Variants in KNTC1 observed in about 807,000 individuals in gnomAD.
KNTC1 encodes the protein kinetochore associated 1.
In KNTC1, 253 loss-of-function variants were observed where a neutral mutation model predicts 314.4. The ratio of observed to expected loss-of-function variants is 0.80; its 90% CI spans 0.73 to 0.89. The LOEUF (loss-of-function observed/expected upper bound fraction) is 0.89, where lower values mean the gene tolerates loss of function less well. Ranked by LOEUF, KNTC1 falls within the 40% of genes least tolerant of loss-of-function variation. KNTC1 has a pLI of 0.00. For synonymous variants in KNTC1, 901 were observed against 901.4 expected, an observed-to-expected ratio of 1.00 and a Z score of 0.01; for missense variants, 2,475 against 2,572.9, an observed-to-expected ratio of 0.96 and a Z score of 0.82.
chr12:122,546,102 C>T (rs1038833333), intron 8 of KNTC1, 74 bp from the exon 9 acceptor site: 7 of 836,026 alleles, frequency 8.4e-6, no homozygotes, highest in East Asian at 2.5e-5. Context: ...ATAAAACTTA[C>T]ATGTTTCTAC....
chr12:122,577,975 C>T (rs1017343503), intron 31 of KNTC1, among the ~76,000 whole-genome samples, 184 bp downstream of exon 31: 4 of 152,186 alleles, frequency 2.6e-5, no homozygotes, highest in African/African-American at 7.2e-5. Context: ...TGCCTTGGAG[C>T]GGCTGCTTGA....
At chr12:122,535,281 T>C (rs1961699995) in intron 3 of KNTC1, among the ~76,000 whole-genome samples, 2 of 151,878 alleles carry the variant, frequency 1.3e-5, no homozygotes, top group Non-Finnish European at 2.9e-5. Context: ...CCCAGCACTT[T>C]GGGAGGCTGA....
rs539249207 is a variant in KNTC1 at position 122,601,307 on chromosome 12, G to A, written c.4564-229G>A. Among the ~76,000 whole-genome samples, 14 of 150,950 alleles carry A rather than the reference G, an allele frequency of 9.3e-5. No individual in the cohort carries two copies. The South Asian group carries it at 2.7e-3, about 30-fold the overall frequency. On this transcript the variant is annotated intron_variant, in intron 44 of 63. Transcript: ENST00000333479. The stretch of plus-strand genomic sequence containing the variant: ...TCACCGTGTTTGCCAGGATGGTCTC[G>A]ATCTCCTGACCTCGTGATCCACCCG...
chr12:122,536,322 GGTCCAAGCAA>G (rs1961826352), intron 3 of KNTC1, among the ~76,000 whole-genome samples: 1 of 151,310 alleles, frequency 6.6e-6, no homozygotes, highest in African/African-American at 2.4e-5. Flanking sequence ...CCGCCTCCAG[GGTCCAAGCAA>G]TTCTCCTGCC....
chr12:122,623,416 T>C (rs919898359), intron 62 of KNTC1, among the ~76,000 whole-genome samples: 4 of 152,228 alleles, frequency 2.6e-5, no homozygotes, highest in African/African-American at 9.6e-5. Flanking sequence ...TCTAGCCATG[T>C]TGGCGCTTGA....
intron 3 of KNTC1, among the ~76,000 whole-genome samples, chr12:122,535,011 T>C (rs1159895710): frequency 6.6e-6 from 1 of 152,210 alleles, no homozygotes; most frequent in African/African-American, 2.4e-5. Context: ...GAAATACACA[T>C]GTAAAGCAAC....
At chr12:122,612,552 G>A (rs937589718) in intron 53 of KNTC1, among the ~76,000 whole-genome samples, 5 of 151,704 alleles carry the variant, frequency 3.3e-5, no homozygotes, top group Admixed American at 2.0e-4. Flanking sequence ...CTGAGTAGCT[G>A]GGATTACAGG....
chr12:122,531,619 T>C (rs373856303), intron 2 of KNTC1, among the ~76,000 whole-genome samples: 7 of 152,024 alleles, frequency 4.6e-5, no homozygotes, highest in East Asian at 1.9e-4. Context: ...TTTGTCATTA[T>C]TTATTAGAGG....
At chr12:122,603,375 G>A (rs1211768902) in intron 48 of KNTC1, 132 bp downstream of exon 48, 14 of 719,394 alleles carry the variant, frequency 1.9e-5, no homozygotes, top group East Asian at 1.6e-4. Flanking sequence ...ATGCTGAAAC[G>A]CTCAAGGGCA....
intron 6 of KNTC1, 49 bp downstream of exon 6, chr12:122,542,176 A>G: frequency 8.1e-7 from 1 of 1,237,768 alleles, no homozygotes; most frequent in Non-Finnish European, 1.1e-6. Context: ...AATATTTACT[A>G]GTTTTATTAA....
At chr12:122,540,314 A>C (rs1026503887) in intron 5 of KNTC1, among the ~76,000 whole-genome samples, 1 of 151,524 alleles carries the variant, frequency 6.6e-6, no homozygotes, top group East Asian at 1.9e-4. Flanking sequence ...CTGGGATTAC[A>C]GGCACCTGCC....
At chr12:122,615,449 T>C in intron 56 of KNTC1, 21 bp from the exon 57 acceptor site, 1 of 1,497,490 alleles carries the variant, frequency 6.7e-7, no homozygotes, top group Non-Finnish European at 8.9e-7. Context: ...TTAGAACTTT[T>C]TTATTTTTAA....
intron 40 of KNTC1, 139 bp from the exon 41 acceptor site, chr12:122,590,468 G>GTT: frequency 1.3e-5 from 10 of 741,420 alleles, no homozygotes; most frequent in South Asian, 6.9e-5. Flanking sequence ...ACTGAATTCT[G>GTT]TTTTTTTTTC....
chr12:122,535,484 T>C (rs1479483809), intron 3 of KNTC1, among the ~76,000 whole-genome samples: 2 of 152,014 alleles, frequency 1.3e-5, no homozygotes, highest in Admixed American at 6.6e-5. Flanking sequence ...TCTCTACTAA[T>C]ATACAAAAAT....
rs1208701388 is a variant in KNTC1, at chr12:122,609,379, C to G, written c.5497-5C>G. On this transcript the variant is annotated splice_region_variant and splice_polypyrimidine_tract_variant and intron_variant, in intron 51 of 63. Transcript: ENST00000333479. ...TTTTGACCTTTTTTTCCTACCTTTTCAAAGAAACCATCAGAATTATTTGAA... is the reference window on the plus strand; with the variant it reads ...TTTTGACCTTTTTTTCCTACCTTTTGAAAGAAACCATCAGAATTATTTGAA... 1.3e-6 allele frequency: 2 copies of G among 1,568,562 alleles called. No individual in the cohort carries two copies. The highest frequency in any genetic ancestry group is 1.4e-5 in the African/African-American group (1 of 73,982).
intron 40 of KNTC1, among the ~76,000 whole-genome samples, chr12:122,589,471 G>GTT (rs11352437): frequency 5.8e-4 from 74 of 126,802 alleles, no homozygotes; most frequent in Admixed American, 9.5e-4. Context: ...AAAAAATTGT[G>GTT]TTTTTTTTTT....
Position 122,569,728 on chromosome 12 carries a change from C to T in KNTC1, c.1764C>T (p.Leu588=). Residue 588 remains leucine (L), a synonymous_variant, in exon 22 of 64, where the codon CTC becomes CTT. Transcript: ENST00000333479. ...ATGTGAAAATGCTGGAGAGCTTGCT[C>T]AACTCAATGTCTGCATCAGTCTCTT... is the stretch of plus-strand genomic sequence containing the variant. ...RFDVKMLESL[L]NSMSASVSLQ... 1 of 1,613,550 alleles carries T rather than the reference C, an allele frequency of 6.2e-7. No homozygotes were observed. The highest frequency in any genetic ancestry group is 1.1e-5 in the South Asian group (1 of 91,012).
intron 22 of KNTC1, among the ~76,000 whole-genome samples, chr12:122,570,443 G>A (rs1010360856): frequency 6.6e-6 from 1 of 151,454 alleles, no homozygotes; most frequent in Admixed American, 6.6e-5. Context: ...CTTGACCCAG[G>A]AGGTTGCAGT....
intron 18 of KNTC1, among the ~76,000 whole-genome samples, chr12:122,558,415 G>C (rs1016181676): frequency 1.3e-5 from 2 of 151,942 alleles, no homozygotes; most frequent in East Asian, 3.9e-4. Flanking sequence ...AGCCGGGTGT[G>C]GTGTCACGCG....
Sources: allele counts gnomAD v4.1 joint callset (sites outside exome capture counted in the v4.1 genomes callset), GRCh38; gene constraint gnomAD v4.1.1; transcripts MANE v1.5; gene names NCBI Gene and HGNC (gene_info 2026-07-23, HGNC 2026-07-21).